The following MAP3K15 variants were observed in gnomAD, a reference collection of about 807,000 sequenced individuals.
The protein encoded by MAP3K15 is MAPK/ERK kinase kinase 15.
MAP3K15 carries 124 observed loss-of-function variants against 99.5 expected under a neutral mutation model. The ratio of observed to expected loss-of-function variants is 1.25; its 90% confidence interval spans 1.08 to 1.45. The LOEUF is 1.45. Ranked by LOEUF, MAP3K15 falls within the 40% of genes most tolerant of loss-of-function variation. The pLI is 0.00. For synonymous variants in MAP3K15, 494 were observed against 439.6 expected (o/e 1.12, Z -1.55); for missense variants, 1,242 against 1,079.7 (o/e 1.15, Z -2.11).
rs375328925 is a variant in MAP3K15 at position 19,450,375 on chromosome X, C to T, written c.995+6538G>A. Among the ~76,000 whole-genome samples, 12 of 107,356 alleles carry T rather than the reference C, an allele frequency of 1.1e-4. No homozygotes were observed. The East Asian group carries it at 3.1e-3, about 28-fold the overall frequency. 93.2% of individuals were successfully genotyped at this position (107,356 alleles called of 115,157 possible). On this transcript the variant is annotated intron_variant, in intron 6 of 28. Transcript: ENST00000338883. ...AGGACAGGAGAAAAGGGAGAGGAGACGAAAAAAATAAAGAAAGCTGGCAAT... is the reference window on the plus strand; with the variant it reads ...AGGACAGGAGAAAAGGGAGAGGAGATGAAAAAAATAAAGAAAGCTGGCAAT...
intron 6 of MAP3K15, among the ~76,000 whole-genome samples, chrX:19,435,146 T>C (rs2063912126): frequency 8.9e-6 from 1 of 112,097 alleles, no homozygotes; most frequent in African/African-American, 3.2e-5. Flanking sequence ...ACAACATTTC[T>C]ACATCTGTAA....
intron 6 of MAP3K15, among the ~76,000 whole-genome samples, chrX:19,440,777 T>A (rs1602311331): frequency 8.9e-6 from 1 of 112,442 alleles, no homozygotes; most frequent in East Asian, 2.8e-4. Context: ...CGCTGATAGA[T>A]CCAGTTAAAC....
chrX:19,420,792 C>T (rs748495226), intron 9 of MAP3K15, among the ~76,000 whole-genome samples: 44 of 111,917 alleles, frequency 3.9e-4, no homozygotes, highest in African/African-American at 1.3e-3. Context: ...CAATAAAGTA[C>T]TGGCAAACGG....
intron 16 of MAP3K15, among the ~76,000 whole-genome samples, chrX:19,392,809 C>T (rs997852457): frequency 2.7e-5 from 3 of 111,356 alleles, no homozygotes; most frequent in African/African-American, 9.8e-5. Flanking sequence ...AGGGGCATGG[C>T]CTGCTGGCGT....
At chrX:19,413,918 T>G (rs1235427399) in intron 10 of MAP3K15, among the ~76,000 whole-genome samples, 2 of 108,618 alleles carry the variant, frequency 1.8e-5, no homozygotes, top group Non-Finnish European at 3.8e-5. Flanking sequence ...GAGGGCACTT[T>G]GGGAGGCCAA....
chrX:19,370,131 C>T (rs763761036), intron 24 of MAP3K15, among the ~76,000 whole-genome samples: 4 of 111,477 alleles, frequency 3.6e-5, no homozygotes, highest in Admixed American at 9.5e-5. Flanking sequence ...ACCATGATGG[C>T]GACAGAATGG....
In MAP3K15 at chrX:19,400,650, C is replaced by T; in HGVS notation, c.1858G>A (p.Val620Ile). ...GCTGTATTGGTTATCATCTCTTTGACCAAAGAGAAAAATCTAGAACAGCAA... is the reference window on the plus strand; with the variant it reads ...GCTGTATTGGTTATCATCTCTTTGATCAAAGAGAAAAATCTAGAACAGCAA... ...EEQCSRFFSL[V>I]KEMITNTAGS... is the part of the protein sequence containing the mutation. Residue 620 changes from valine (V) to isoleucine (I), a missense_variant, in exon 14 of 29, where the codon GTC becomes ATC. Transcript: ENST00000338883. 1 of 1,201,228 alleles carries T rather than the reference C, an allele frequency of 8.3e-7. No individual in the cohort carries two copies. Among genetic ancestry groups the T allele is most frequent in the South Asian group, 1.8e-5 (1 of 56,204 alleles).
At chrX:19,414,703 C>T (rs1384289352) in intron 10 of MAP3K15, among the ~76,000 whole-genome samples, 2 of 112,077 alleles carry the variant, frequency 1.8e-5, no homozygotes, top group Admixed American at 1.9e-4. Context: ...AAAGTTTGTC[C>T]ACTTTGGCAC....
intron 9 of MAP3K15, among the ~76,000 whole-genome samples, chrX:19,424,231 C>CACACATATATATACATATATAT (rs1465354350): frequency 2.0e-5 from 2 of 97,756 alleles, no homozygotes; most frequent in Non-Finnish European, 3.8e-5. Context: ...CATATATGTA[C>CACACATATATATACATATATAT]ACACATATAT....
intron 11 of MAP3K15, among the ~76,000 whole-genome samples, chrX:19,412,475 G>T (rs772474218): frequency 9.0e-6 from 1 of 111,172 alleles, no homozygotes; most frequent in Non-Finnish European, 1.9e-5. Context: ...TTGGATAATC[G>T]GAAGAAGGAA....
intron 1 of MAP3K15, among the ~76,000 whole-genome samples, chrX:19,495,721 T>C (rs951703965): frequency 8.9e-6 from 1 of 112,042 alleles, no homozygotes; most frequent in Admixed American, 9.5e-5. Flanking sequence ...CATTATAGCA[T>C]GAGTTAAGCC....
intron 9 of MAP3K15, among the ~76,000 whole-genome samples, chrX:19,419,884 C>G (rs2063768442): frequency 8.9e-6 from 1 of 112,152 alleles, no homozygotes; most frequent in Non-Finnish European, 1.9e-5. Flanking sequence ...GATTAAGAAA[C>G]TCACTCAAAA....
intron 7 of MAP3K15, among the ~76,000 whole-genome samples, chrX:19,426,742 C>T (rs1021949846): frequency 1.0e-5 from 1 of 98,553 alleles, no homozygotes; most frequent in African/African-American, 3.9e-5. Context: ...AGCTTGAACC[C>T]GGGAGGTGGA....
rs972062138 is a variant in MAP3K15 at position 19,454,235 on chromosome X, A to T, written c.995+2678T>A. Among the ~76,000 whole-genome samples, 3 of 111,909 alleles carry T rather than the reference A, an allele frequency of 2.7e-5. No homozygotes were observed. The South Asian group carries it at 1.1e-3, about 42-fold the overall frequency. On this transcript the variant is annotated intron_variant, in intron 6 of 28. Transcript: ENST00000338883. ...AAGATGCTGGAAGTAGAATATGAGC[A>T]CATGCCTTCTATTTTGCGACTGGCA...
intron 6 of MAP3K15, among the ~76,000 whole-genome samples, chrX:19,434,506 G>A (rs2063908031): frequency 9.1e-6 from 1 of 110,153 alleles, no homozygotes. Context: ...CCAAAGTGCT[G>A]GGATTACAGG....
At chrX:19,386,276 T>C (rs1312932948) in intron 18 of MAP3K15, among the ~76,000 whole-genome samples, 7 of 111,033 alleles carry the variant, frequency 6.3e-5, no homozygotes, top group Non-Finnish European at 1.3e-4. Context: ...GCCAACATGG[T>C]GAAACCCCGT....
chrX:19,368,291 CGCCACCATACCTG>C (rs1476898009), intron 25 of MAP3K15, among the ~76,000 whole-genome samples: 2 of 111,596 alleles, frequency 1.8e-5, no homozygotes, highest in Non-Finnish European at 3.8e-5. Context: ...TACAGGCGTG[CGCCACCATACCTG>C]GCTAATTTTG....
At chrX:19,371,324 A>G (rs780997212) in intron 23 of MAP3K15, 21 bp downstream of exon 23, 2 of 1,192,159 alleles carry the variant, frequency 1.7e-6, no homozygotes, top group Admixed American at 4.4e-5. Context: ...TGTGTTCCCT[A>G]GGGCCAGATG....
chrX:19,471,992 G>A (rs866578573), intron 3 of MAP3K15, among the ~76,000 whole-genome samples: 29 of 111,534 alleles, frequency 2.6e-4, no homozygotes, highest in South Asian at 1.9e-3. Flanking sequence ...GGAGGCCAAG[G>A]TGGGTGGATC....
Sources: allele counts gnomAD v4.1 joint callset (sites outside exome capture counted in the v4.1 genomes callset), GRCh38; gene constraint gnomAD v4.1.1; transcripts MANE v1.5; gene names NCBI Gene and HGNC (gene_info 2026-07-23, HGNC 2026-07-21).